Variants in MPP3 observed in about 807,000 individuals in gnomAD.
MPP3 encodes MAGUK p55 scaffold protein 3, also known as MAGUK p55 subfamily member 3.
In MPP3, 48 loss-of-function variants were observed where a neutral mutation model predicts 80.7. That is an observed-to-expected ratio of 0.59 (90% CI 0.47 to 0.76). The LOEUF (loss-of-function observed/expected upper bound fraction) is 0.76. Ranked by LOEUF, MPP3 falls within the 30% of genes least tolerant of loss-of-function variation. MPP3 has a pLI of 0.00. For missense variants in MPP3, 620 were observed against 763.0 expected, an observed-to-expected ratio of 0.81 and a Z score of 2.21; for synonymous variants, 311 against 297.6, an observed-to-expected ratio of 1.04 and a Z score of -0.46.
Position 43,823,856 on chromosome 17 carries a change from A to C in MPP3, c.684+75T>G, listed in dbSNP as rs376501590. On this transcript the variant is annotated intron_variant, in intron 10 of 19. Coordinates refer to ENST00000398389, the MANE Select transcript of MPP3 (RefSeq NM_001932.6). ...GCAAATGACTGTTACAAGAGACTGG[A>C]CTGGATCCAGCCCCCAGCCAGCGAG... is the stretch of plus-strand genomic sequence containing the variant. 501 of 1,031,990 alleles carry C rather than the reference A, an allele frequency of 4.9e-4. No homozygotes were observed. The African/African-American group carries it at 7.4e-3, about 15-fold the overall frequency. The allele number at this position is 1,031,990 out of a possible 1,614,324, so 63.9% of individuals were successfully genotyped here.
At chr17:43,810,259 T>C (rs1288966783) in intron 18 of MPP3, among the ~76,000 whole-genome samples, 1 of 152,124 alleles carries the variant, frequency 6.6e-6, no homozygotes, top group African/African-American at 2.4e-5. Context: ...GTTAAAAAGA[T>C]GGTTAAGCCC....
chr17:43,818,012 C>T, intron 12 of MPP3, 34 bp downstream of exon 12: 1 of 1,547,044 alleles, frequency 6.5e-7, no homozygotes, highest in Non-Finnish European at 8.7e-7. Context: ...ACCCCGGGCC[C>T]TCCCTGGAGT....
intron 18 of MPP3, 79 bp downstream of exon 18, chr17:43,810,722 CTGAGGT>C: frequency 1.1e-6 from 1 of 908,598 alleles, no homozygotes; most frequent in Non-Finnish European, 1.7e-6. Flanking sequence ...ATTCCTTAGA[CTGAGGT>C]TAAGTGTTGT....
At position 43,809,574 on chromosome 17, in the gene MPP3, T is replaced by C. The variant is rs117771420; in HGVS notation, c.1459-496A>G. Among the ~76,000 whole-genome samples, 54 of 152,268 alleles carry C rather than the reference T, an allele frequency of 3.5e-4. No homozygotes were observed. The East Asian group carries it at 0.01, about 28-fold the overall frequency. ...TTACTGAACAGATCATTTAAAACTG[T>C]AGACTGTAGAAACTGCACTCTTGGG... On this transcript the variant is annotated intron_variant, in intron 18 of 19. Transcript: ENST00000398389.
At chr17:43,808,793 ATCTTC>A (rs72467607) in intron 19 of MPP3, among the ~76,000 whole-genome samples, 158 bp downstream of exon 19, 16,623 of 152,076 alleles carry the variant, frequency 0.11, 2,824 homozygotes, top group African/African-American at 0.37. Flanking sequence ...CCATGTAATC[ATCTTC>A]TCTTAAGTTT....
intron 11 of MPP3, among the ~76,000 whole-genome samples, chr17:43,819,687 G>GC (rs1435886607): frequency 6.6e-6 from 1 of 151,938 alleles, no homozygotes; most frequent in Non-Finnish European, 1.5e-5. Flanking sequence ...CTAAATACCT[G>GC]CCGCCTAGGA....
At chr17:43,820,133 C>T (rs1364544869) in intron 11 of MPP3, among the ~76,000 whole-genome samples, 1 of 151,966 alleles carries the variant, frequency 6.6e-6, no homozygotes. Context: ...TTTGTAGAGA[C>T]AAGGTCTTAC....
At chr17:43,818,001 A>C in intron 12 of MPP3, 45 bp downstream of exon 12, 11 of 1,517,488 alleles carry the variant, frequency 7.2e-6, no homozygotes, top group Non-Finnish European at 8.9e-6. Context: ...CCCTCGCCCT[A>C]ACCCCGGGCC....
At chr17:43,830,640 C>T (rs936304951) in intron 5 of MPP3, among the ~76,000 whole-genome samples, 1 of 152,174 alleles carries the variant, frequency 6.6e-6, no homozygotes, top group Non-Finnish European at 1.5e-5. Flanking sequence ...AATCACATTC[C>T]ACAGTGGAGA....
At position 43,822,498 on chromosome 17, in the gene MPP3, C is replaced by T. The variant is rs549001456; in HGVS notation, c.684+1433G>A. Among the ~76,000 whole-genome samples, 178 of 151,484 alleles carry T rather than the reference C, an allele frequency of 1.2e-3. 1 individual carries two copies. The highest frequency in any genetic ancestry group is 4.1e-3 in the African/African-American group (170 of 41,208). Reference sequence around the variant, plus strand: ...ACTCTACTATGAAATCAAAGTGATGCCCTCCTCTCTATCTCATCAACCACC... The same window carrying T: ...ACTCTACTATGAAATCAAAGTGATGTCCTCCTCTCTATCTCATCAACCACC... On this transcript the variant is annotated intron_variant, in intron 10 of 19. Transcript: ENST00000398389.
chr17:43,805,544 T>A (rs2044581373), intron 19 of MPP3, among the ~76,000 whole-genome samples: 1 of 152,134 alleles, frequency 6.6e-6, no homozygotes. Flanking sequence ...GTAGAAACAA[T>A]CTAAATGTCC....
Position 43,829,670 on chromosome 17 carries a change from T to G in MPP3, c.425A>C (p.Lys142Thr). ...AGCACCTACCAGGGGTTCCTTGTTC[T>G]TCACCAAGCGGACGATCTTCACCGA... The part of the protein sequence containing the change: ...EESVKIVRLV[K>T]NKEPLGATIR... Residue 142 changes from lysine (K) to threonine (T), a missense_variant, in exon 7 of 20, where the codon AAG (lysine) becomes ACG (threonine). By Grantham distance (78) the Lys-to-Thr change is moderately conservative. Coordinates refer to ENST00000398389, the MANE Select transcript of MPP3 (RefSeq NM_001932.6). 3.1e-6 allele frequency: 5 copies of G among 1,614,008 alleles called. No individual in the cohort carries two copies. Among genetic ancestry groups the G allele is most frequent in the Non-Finnish European group, 4.2e-6 (5 of 1,179,994 alleles).
At chr17:43,818,134 C>G in intron 11 of MPP3, 24 bp from the exon 12 acceptor site, 3 of 1,489,682 alleles carry the variant, frequency 2.0e-6, no homozygotes, top group Non-Finnish European at 1.8e-6. Flanking sequence ...AGGGGATGGG[C>G]GGGCCCGTGA....
chr17:43,817,768 T>TGCACACGCGTGTGAACACACACAC (rs2045217656), intron 12 of MPP3, among the ~76,000 whole-genome samples: 1 of 152,190 alleles, frequency 6.6e-6, no homozygotes, highest in Admixed American at 6.5e-5. Flanking sequence ...CACACGCACA[T>TGCACACGCGTGTGAACACACACAC]GCACACGCGT....
In MPP3 at chr17:43,825,567, A is replaced by C. The variant is rs537455531; in HGVS notation, c.609+189T>G. 1.6e-5 allele frequency: 9 copies of C among 561,054 alleles called. No homozygotes were observed. In the East Asian group the frequency reaches 2.4e-4, roughly 15 times the overall value. The allele number at this position is 561,054 out of a possible 1,614,324, so 34.8% of individuals were successfully genotyped here. ...GGTCTAAGAGAGGCAGATGGAAGGG[A>C]AGTTCCCCTCCTCCTGCTGCCACCC... On this transcript the variant is annotated intron_variant, in intron 9 of 19. Coordinates refer to ENST00000398389, the MANE Select transcript of MPP3 (RefSeq NM_001932.6).
chr17:43,822,841 A>C (rs1050292288), intron 10 of MPP3, among the ~76,000 whole-genome samples: 1 of 152,040 alleles, frequency 6.6e-6, no homozygotes, highest in Non-Finnish European at 1.5e-5. Context: ...TTCTCTGGCC[A>C]CTGGAACCTA....
At position 43,814,345 on chromosome 17, in the gene MPP3, GCTCC is replaced by G; in HGVS notation, c.1022_1025del (p.Arg341ThrfsTer28). 1 of 1,604,486 alleles carries G rather than the reference GCTCC, an allele frequency of 6.2e-7. No homozygotes were observed. Among genetic ancestry groups the G allele is most frequent in the South Asian group, 1.1e-5 (1 of 90,646 alleles). Reference sequence around the variant, plus strand: ...GTCTCTCCCTACAGCCCAGCCGGAAGCTCCTCCGAAGACCAGCTTGGGAGGAGGG... The same window carrying G: ...GTCTCTCCCTACAGCCCAGCCGGAAGTCCGAAGACCAGCTTGGGAGGAGGG... On this transcript the variant is annotated frameshift_variant, in exon 15 of 20. Coordinates refer to ENST00000398389, the MANE Select transcript of MPP3 (RefSeq NM_001932.6). LOFTEE classifies it high-confidence loss of function.
chr17:43,812,284 C>G (rs1213359866), intron 16 of MPP3, among the ~76,000 whole-genome samples: 1 of 152,218 alleles, frequency 6.6e-6, no homozygotes, highest in Non-Finnish European at 1.5e-5. Flanking sequence ...TCTTCTGGCC[C>G]ATGGGAACCA....
chr17:43,811,245 C>A (rs2044844221), intron 16 of MPP3, 40 bp from the exon 17 acceptor site: 1 of 1,498,598 alleles, frequency 6.7e-7, no homozygotes, highest in African/African-American at 1.4e-5. Context: ...AGAGATGTCA[C>A]ATCACAGCAC....
Sources: allele counts gnomAD v4.1 joint callset (sites outside exome capture counted in the v4.1 genomes callset), GRCh38; gene constraint gnomAD v4.1.1; transcripts MANE v1.5; gene names NCBI Gene and HGNC (gene_info 2026-07-23, HGNC 2026-07-21).